The following NCOR2 variants were observed in gnomAD, a reference collection of about 807,000 sequenced individuals.
The protein encoded by NCOR2 is nuclear receptor corepressor 2.
Under a neutral mutation model 262.9 loss-of-function variants are expected in NCOR2, and 81 were observed. That is an observed-to-expected ratio of 0.31 (90% CI 0.26 to 0.37). The LOEUF is 0.37. Ranked by LOEUF, NCOR2 falls within the 10% of genes least tolerant of loss-of-function variation. The pLI, the probability that NCOR2 is intolerant of heterozygous loss-of-function variation, is 1.00. For missense variants in NCOR2, 3,385 were observed against 3,621.4 expected (o/e 0.93, Z 1.68); for synonymous variants, 1,659 against 1,559.3 (o/e 1.06, Z -1.51).
At chr12:124,399,806 C>T (rs1056338039) in intron 15 of NCOR2, among the ~76,000 whole-genome samples, 2 of 152,148 alleles carry the variant, frequency 1.3e-5, no homozygotes, top group East Asian at 1.9e-4. Flanking sequence ...AAAGTAGAGA[C>T]AACAGACGCA....
rs568698403 is a variant in NCOR2 at position 124,422,395 on chromosome 12, G to C, written c.1383+106C>G. On this transcript the variant is annotated intron_variant, in intron 12 of 46. Transcript: ENST00000405201. The stretch of plus-strand genomic sequence containing the variant: ...GCATGGCAGCTGGAGCAAGGGGCCA[G>C]GCAGGCCAGGGCCTTGTGGGCAAGG... 4 of 1,352,034 alleles carry C rather than the reference G, an allele frequency of 3.0e-6. No individual in the cohort carries two copies. In the East Asian group the frequency reaches 7.1e-5, roughly 24 times the overall value. The allele number at this position is 1,352,034 out of a possible 1,614,324, so 83.8% of individuals were successfully genotyped here.
At chr12:124,479,451 G>GCATA (rs2047301616) in intron 3 of NCOR2, among the ~76,000 whole-genome samples, 1 of 67,894 alleles carries the variant, frequency 1.5e-5, no homozygotes. Context: ...GTGCACACAC[G>GCATA]CATACACACA....
intron 16 of NCOR2, among the ~76,000 whole-genome samples, chr12:124,386,908 C>T (rs2136119840): frequency 6.6e-6 from 1 of 152,360 alleles, no homozygotes; most frequent in South Asian, 2.1e-4. Context: ...GCAGGTAGGG[C>T]CTGCCCACTT....
At chr12:124,506,343 G>C (rs2049035545) in intron 1 of NCOR2, among the ~76,000 whole-genome samples, 1 of 151,712 alleles carries the variant, frequency 6.6e-6, no homozygotes. Context: ...AAGGGAAGTG[G>C]CGTTGGTCGG....
At chr12:124,386,391 G>GC (rs2040810644) in intron 16 of NCOR2, among the ~76,000 whole-genome samples, 1 of 152,120 alleles carries the variant, frequency 6.6e-6, no homozygotes, top group Non-Finnish European at 1.5e-5. Context: ...GACGTGGTGA[G>GC]CAGGGGATGG....
intron 1 of NCOR2, among the ~76,000 whole-genome samples, chr12:124,543,344 T>C (rs1427594847): frequency 6.6e-6 from 1 of 152,174 alleles, no homozygotes; most frequent in African/African-American, 2.4e-5. Context: ...CAAAAAACCA[T>C]GACAACGATC....
At chr12:124,346,150 A>T (rs756793407) in intron 31 of NCOR2, among the ~76,000 whole-genome samples, 1 of 152,154 alleles carries the variant, frequency 6.6e-6, no homozygotes, top group African/African-American at 2.4e-5. Flanking sequence ...CTCAGCAATA[A>T]AATAAGGTCA....
intron 1 of NCOR2, among the ~76,000 whole-genome samples, chr12:124,552,271 C>A (rs528307081): frequency 6.6e-6 from 1 of 151,412 alleles, no homozygotes; most frequent in African/African-American, 2.4e-5. Flanking sequence ...CAGTGAGCTG[C>A]GAATGGAGCT....
intron 1 of NCOR2, among the ~76,000 whole-genome samples, chr12:124,551,253 G>A (rs2137259100): frequency 6.6e-6 from 1 of 152,268 alleles, no homozygotes; most frequent in South Asian, 2.1e-4. Flanking sequence ...GTCTAGCCGA[G>A]AAAACGACTG....
At chr12:124,467,906 C>T (rs111219713) in intron 4 of NCOR2, among the ~76,000 whole-genome samples, 6,024 of 18,226 alleles carry the variant, frequency 0.33, 1,017 homozygotes, top group Non-Finnish European at 0.41. Context: ...TCACCCTCAT[C>T]CTCATCACCC....
chr12:124,550,078 A>G (rs2137254995), intron 1 of NCOR2, among the ~76,000 whole-genome samples: 1 of 152,284 alleles, frequency 6.6e-6, no homozygotes, highest in South Asian at 2.1e-4. Context: ...TTCTGGCGGC[A>G]GCAAAGGGGG....
At chr12:124,470,471 A>G (rs1322542557) in intron 4 of NCOR2, among the ~76,000 whole-genome samples, 1 of 152,248 alleles carries the variant, frequency 6.6e-6, no homozygotes, top group African/African-American at 2.4e-5. Context: ...GAAATAAACA[A>G]AAGGAGGCAT....
chr12:124,464,913 A>G (rs978813566), intron 5 of NCOR2, among the ~76,000 whole-genome samples: 1 of 152,162 alleles, frequency 6.6e-6, no homozygotes, highest in Non-Finnish European at 1.5e-5. Flanking sequence ...GCTTGGGGTG[A>G]GGGGTCAGGG....
intron 34 of NCOR2, 151 bp from the exon 37 acceptor site, chr12:124,340,902 G>T: frequency 1.5e-6 from 1 of 689,162 alleles, no homozygotes; most frequent in Non-Finnish European, 2.1e-6. Context: ...CCCAGCACCA[G>T]CCATGGAACC....
chr12:124,487,514 G>A (rs943232495), intron 1 of NCOR2, among the ~76,000 whole-genome samples: 1 of 152,248 alleles, frequency 6.6e-6, no homozygotes, highest in Non-Finnish European at 1.5e-5. Flanking sequence ...CCTTGGCCTT[G>A]CGGGGCTCTG....
At chr12:124,449,045 C>T (rs1459779229) in intron 7 of NCOR2, among the ~76,000 whole-genome samples, 3 of 152,172 alleles carry the variant, frequency 2.0e-5, no homozygotes, top group African/African-American at 7.2e-5. Flanking sequence ...CTTTTGGGTT[C>T]CTGGGCACTA....
At chr12:124,567,078 T>A (rs570317862) in intron 1 of NCOR2, among the ~76,000 whole-genome samples, 29 of 62,738 alleles carry the variant, frequency 4.6e-4, no homozygotes, top group Middle Eastern at 5.1e-3. Context: ...TCCCGCCCCC[T>A]CGCTAGGGAG....
chr12:124,478,656 G>A (rs1030674673), intron 3 of NCOR2, among the ~76,000 whole-genome samples: 5 of 152,020 alleles, frequency 3.3e-5, no homozygotes, highest in Non-Finnish European at 5.9e-5. Flanking sequence ...GGCTGGTCAG[G>A]CCCCAGCACC....
At chr12:124,506,191 C>T (rs887060480) in intron 1 of NCOR2, among the ~76,000 whole-genome samples, 3 of 152,218 alleles carry the variant, frequency 2.0e-5, no homozygotes, top group Admixed American at 6.5e-5. Flanking sequence ...AAACACAATT[C>T]GCCCCACTGA....
Sources: gnomAD v4.1 joint callset for allele counts (sites outside exome capture counted in the v4.1 genomes callset) on GRCh38, gnomAD v4.1.1 for gene constraint, MANE v1.5 for transcripts, NCBI Gene and HGNC (gene_info 2026-07-23, HGNC 2026-07-21) for gene names.